ZHX3: variants seen among roughly 807,000 people sequenced by gnomAD.
The protein encoded by ZHX3 is zinc fingers and homeoboxes protein 3.
In ZHX3, 20 loss-of-function variants were observed where a neutral mutation model predicts 64.5. The ratio of observed to expected loss-of-function variants is 0.31; its 90% CI spans 0.22 to 0.45. ZHX3 has a LOEUF of 0.45. Ranked by LOEUF, ZHX3 falls within the 20% of genes least tolerant of loss-of-function variation. The probability of loss-of-function intolerance (pLI) is 1.00; values close to 1 mark genes in which losing one functional copy is unlikely to be tolerated. For missense variants in ZHX3, 1,041 were observed against 1,195.8 expected (o/e 0.87, Z 1.91); for synonymous variants, 423 against 461.6 (o/e 0.92, Z 1.07).
intron 1 of ZHX3, among the ~76,000 whole-genome samples, chr20:41,293,155 G>C (rs1183148378): frequency 6.6e-6 from 1 of 152,166 alleles, no homozygotes; most frequent in African/African-American, 2.4e-5. Flanking sequence ...CAAGAACTGT[G>C]CCCTGCTACT....
intron 1 of ZHX3, among the ~76,000 whole-genome samples, chr20:41,291,019 G>A (rs528703775): frequency 1.1e-4 from 17 of 152,298 alleles, no homozygotes; most frequent in Admixed American, 3.3e-4. Context: ...ATGTGGTATT[G>A]TTTGATGAAG....
rs1339261346 is a variant in ZHX3, at chr20:41,219,489, C to G, written c.-150-14423G>C. ...CCTGAAGATCTCCAAAGATAGGGAGCTTGGCACTTATTGACACTAGAAAGA... is the reference window on the plus strand; with the variant it reads ...CCTGAAGATCTCCAAAGATAGGGAGGTTGGCACTTATTGACACTAGAAAGA... On this transcript the variant is annotated intron_variant, in intron 2 of 3. Coordinates refer to ENST00000683867, the MANE Select transcript of ZHX3 (RefSeq NM_001384317.1). This position sits in a 1 kb window ranked among gnomAD's most constrained non-coding sequence, Gnocchi z 5.0. Among the ~76,000 whole-genome samples, 1 of 152,188 alleles carries G rather than the reference C, an allele frequency of 6.6e-6. No homozygotes were observed. The highest frequency in any genetic ancestry group is 1.5e-5 in the Non-Finnish European group (1 of 68,030).
At chr20:41,283,290 G>C (rs372465793) in intron 1 of ZHX3, among the ~76,000 whole-genome samples, 2 of 152,204 alleles carry the variant, frequency 1.3e-5, no homozygotes, top group South Asian at 2.1e-4. Flanking sequence ...CTGGAAATGA[G>C]AGCCCTCTCC....
chr20:41,198,700 T>C lies in ZHX3; in HGVS notation c.2860+3357A>G, dbSNP rs188439779. The stretch of plus-strand genomic sequence containing the variant: ...CTGAGTTCATCCTGCTTGGATTTTA[T>C]TGAGCTTTTTGGATGTGTAGATTCA... On this transcript the variant is annotated intron_variant, in intron 3 of 3. Coordinates refer to ENST00000683867, the MANE Select transcript of ZHX3 (RefSeq NM_001384317.1). Among the ~76,000 whole-genome samples, 394 of 151,994 alleles carry C rather than the reference T, an allele frequency of 2.6e-3. 3 individuals are homozygous for C. Among genetic ancestry groups the C allele is most frequent in the Middle Eastern group, 0.014 (4 of 294 alleles).
At chr20:41,220,049 T>G (rs1042704538) in intron 2 of ZHX3, among the ~76,000 whole-genome samples, 2 of 152,228 alleles carry the variant, frequency 1.3e-5, no homozygotes, top group Non-Finnish European at 2.9e-5. Context: ...ATACAGAGTC[T>G]GAAGACAGAC....
chr20:41,294,486 C>G (rs544698971), intron 1 of ZHX3, among the ~76,000 whole-genome samples: 22 of 152,106 alleles, frequency 1.4e-4, no homozygotes, highest in Middle Eastern at 3.4e-3. Flanking sequence ...CTCAGCCTCC[C>G]GAGTAGCTGG....
rs2040955477 is a variant in ZHX3, at chr20:41,235,976, AACAG to A, written c.-150-30914_-150-30911del. ...ATCACAAGCATTCCGATACACCAAT[AACAG>A]ACAAACAGAGAGCCAAATCATGAGT... On this transcript the variant is annotated intron_variant, in intron 2 of 3. Transcript: ENST00000683867. Among the ~76,000 whole-genome samples, 3 of 152,170 alleles carry A rather than the reference AACAG, an allele frequency of 2.0e-5. No individual in the cohort carries two copies. The South Asian group carries it at 6.2e-4, about 32-fold the overall frequency.
At chr20:41,264,520 C>G (rs917796598) in intron 2 of ZHX3, among the ~76,000 whole-genome samples, 1 of 143,958 alleles carries the variant, frequency 6.9e-6, no homozygotes, top group African/African-American at 2.6e-5. Flanking sequence ...GATCACGCCA[C>G]TGCACTCCAG....
intron 2 of ZHX3, among the ~76,000 whole-genome samples, chr20:41,216,680 C>T (rs1268224761): frequency 6.6e-6 from 1 of 152,140 alleles, no homozygotes; most frequent in Non-Finnish European, 1.5e-5. Context: ...GACTCGGTGA[C>T]CATCCCTGCA....
intron 2 of ZHX3, among the ~76,000 whole-genome samples, chr20:41,261,948 T>C (rs969804749): frequency 6.6e-6 from 1 of 152,130 alleles, no homozygotes; most frequent in Non-Finnish European, 1.5e-5. Flanking sequence ...CTGCACCCAA[T>C]CCACACCCTT....
intron 3 of ZHX3, among the ~76,000 whole-genome samples, chr20:41,197,997 C>CTTTTTTTTTTTTTTTTT (rs1491008137): frequency 7.2e-6 from 1 of 138,236 alleles, no homozygotes. Flanking sequence ...TTAACTAGTG[C>CTTTTTTTTTTTTTTTTT]TCTTTTTTTT....
chr20:41,281,933 C>T (rs1281993600), intron 1 of ZHX3, among the ~76,000 whole-genome samples: 1 of 152,114 alleles, frequency 6.6e-6, no homozygotes, highest in Non-Finnish European at 1.5e-5. Flanking sequence ...TTGCAGAAGT[C>T]CTGGGCTATG....
At chr20:41,258,495 A>G (rs2042385937) in intron 2 of ZHX3, among the ~76,000 whole-genome samples, 1 of 152,170 alleles carries the variant, frequency 6.6e-6, no homozygotes, top group East Asian at 1.9e-4. Flanking sequence ...AGCCTGTGAC[A>G]GTTCCTTGTT....
intron 2 of ZHX3, among the ~76,000 whole-genome samples, chr20:41,239,190 T>C (rs922137434): frequency 3.3e-5 from 5 of 151,480 alleles, no homozygotes; most frequent in Admixed American, 1.3e-4. Flanking sequence ...TTGTATTTTT[T>C]AGTAGAAACG....
rs189675674 is a variant in ZHX3 at position 41,252,449 on chromosome 20, C to G, written c.-151+16541G>C. ...ATCACCTGAGACCATGTGAGTACGT[C>G]TTAGTCCCCTATGGCCCAACAGAGC... On this transcript the variant is annotated intron_variant, in intron 2 of 3. Transcript: ENST00000683867. Among the ~76,000 whole-genome samples the G allele has an allele frequency of 3.3e-5, 5 of 152,334 alleles. No individual in the cohort carries two copies. In the East Asian group the frequency reaches 5.8e-4, roughly 18 times the overall value.
In ZHX3 at chr20:41,178,800, GTC is replaced by G. The variant is rs1229147180; in HGVS notation, c.*6389_*6390del. ...TAGAGTATGCTGTTTTCTCGGTTTG[GTC>G]TCTCACACCTGGCCATGGCAGGAGA... On this transcript the variant is annotated 3_prime_UTR_variant, in exon 4 of 4. Transcript: ENST00000683867. The G allele has an allele frequency of 6.6e-6, 1 of 152,566 alleles. No homozygotes were observed. The highest frequency in any genetic ancestry group is 1.5e-5 in the Non-Finnish European group (1 of 68,030). The allele number at this position is 152,566 out of a possible 1,614,324, so 9.5% of individuals were successfully genotyped here.
intron 1 of ZHX3, chr20:41,290,332 G>A (rs2044166637): frequency 6.6e-6 from 1 of 152,212 alleles, no homozygotes; most frequent in Non-Finnish European, 1.5e-5. Context: ...GCTATTCACA[G>A]GCACAATCCC....
chr20:41,245,506 C>G (rs912370432), intron 2 of ZHX3, among the ~76,000 whole-genome samples: 1 of 152,198 alleles, frequency 6.6e-6, no homozygotes, highest in Admixed American at 6.5e-5. Flanking sequence ...AAGAAGGGAG[C>G]AAGAGTTAAC....
intron 1 of ZHX3, among the ~76,000 whole-genome samples, chr20:41,271,774 A>G (rs1191160830): frequency 1.3e-5 from 2 of 152,230 alleles, no homozygotes; most frequent in African/African-American, 4.8e-5. Flanking sequence ...ATGAGATACA[A>G]ATAAAAAATT....
Sources: allele counts gnomAD v4.1 joint callset (sites outside exome capture counted in the v4.1 genomes callset), GRCh38; gene constraint gnomAD v4.1.1; non-coding constraint Gnocchi (gnomAD v3.1); transcripts MANE v1.5; gene names NCBI Gene and HGNC (gene_info 2026-07-23, HGNC 2026-07-21).